COL4A5: variants seen among roughly 807,000 people sequenced by gnomAD.
The protein encoded by COL4A5 is collagen alpha-5(IV) chain.
Under a neutral mutation model 130.2 loss-of-function variants are expected in COL4A5, and 26 were observed. The observed-to-expected ratio is 0.20, with a 90% CI of 0.15 to 0.28. The LOEUF is 0.28. COL4A5 is among the 10% of genes least tolerant of loss of function. The pLI, the probability that COL4A5 is intolerant of heterozygous loss-of-function variation, is 1.00. For synonymous variants in COL4A5, 496 were observed against 439.6 expected, an observed-to-expected ratio of 1.13 and a Z score of -1.60; for missense variants, 1,131 against 1,344.3, an observed-to-expected ratio of 0.84 and a Z score of 2.48.
chrX:108,550,553 C>T (rs1349491519), intron 2 of COL4A5, among the ~76,000 whole-genome samples: 1 of 111,573 alleles, frequency 9.0e-6, no homozygotes, highest in East Asian at 2.8e-4. Flanking sequence ...TTTCCTCAAC[C>T]TTAAAGGGCA....
intron 43 of COL4A5, among the ~76,000 whole-genome samples, chrX:108,676,260 A>T (rs945132734): frequency 2.7e-5 from 3 of 112,344 alleles, no homozygotes; most frequent in Non-Finnish European, 3.8e-5. Context: ...AATCAATAAA[A>T]TTTGAAATGA....
rs935198734 is a variant in COL4A5 at position 108,448,397 on chromosome X, A to G, written c.81+8191A>G. On this transcript the variant is annotated intron_variant, in intron 1 of 52. Coordinates refer to ENST00000328300, the MANE Select transcript of COL4A5 (RefSeq NM_033380.3). Reference sequence around the variant, plus strand: ...TTTGTATCATGCTATAATTCAATCAAATAATATTTTTCCTGTATATAGGAG... The same window carrying G: ...TTTGTATCATGCTATAATTCAATCAGATAATATTTTTCCTGTATATAGGAG... Among the ~76,000 whole-genome samples the G allele has an allele frequency of 2.7e-5, 3 of 111,996 alleles. No homozygotes were observed. In the Admixed American group the frequency reaches 2.9e-4, roughly 11 times the overall value.
chrX:108,672,858 G>C (rs2068231707), intron 42 of COL4A5, among the ~76,000 whole-genome samples: 1 of 109,965 alleles, frequency 9.1e-6, no homozygotes, highest in African/African-American at 3.4e-5. Context: ...TGTCTTAGTT[G>C]GGAATTCTAA....
chrX:108,646,847 C>G (rs1473335249), intron 36 of COL4A5, among the ~76,000 whole-genome samples: 2 of 110,835 alleles, frequency 1.8e-5, no homozygotes, highest in East Asian at 5.7e-4. Context: ...AATCCTTTCC[C>G]CATTGCTTGT....
In COL4A5 at chrX:108,526,652, CTTTCTTTCTTCTTTCTTTCTCTT is replaced by C. The variant is rs1569481182; in HGVS notation, c.82-13092_82-13070del. On this transcript the variant is annotated intron_variant, in intron 1 of 52. Coordinates refer to ENST00000328300, the MANE Select transcript of COL4A5 (RefSeq NM_033380.3). ...TCTTTCTTTCTTTCTTTCTTTCTTT[CTTTCTTTCTTCTTTCTTTCTCTT>C]TCTTTCTTTCTTTCTTTCTTTCTTT... Among the ~76,000 whole-genome samples, 211 of 53,458 alleles carry C rather than the reference CTTTCTTTCTTCTTTCTTTCTCTT, an allele frequency of 3.9e-3. 5 individuals carry two copies. Among genetic ancestry groups the C allele is most frequent in the African/African-American group, 0.021 (199 of 9,269 alleles). The allele number at this position is 53,458 out of a possible 115,157, so 46.4% of individuals were successfully genotyped here.
chrX:108,456,927 A>G (rs1015549473), intron 1 of COL4A5, among the ~76,000 whole-genome samples: 2 of 111,599 alleles, frequency 1.8e-5, no homozygotes, highest in African/African-American at 3.3e-5. Context: ...AGTGCTGAGG[A>G]CTGTCCTCAC....
intron 1 of COL4A5, among the ~76,000 whole-genome samples, chrX:108,483,514 A>G (rs1437379814): frequency 5.4e-5 from 6 of 111,388 alleles, no homozygotes; most frequent in Non-Finnish European, 5.6e-5. Flanking sequence ...GGGTGGATCT[A>G]CCACTGACTC....
chrX:108,442,538 T>C (rs1314601991), intron 1 of COL4A5, among the ~76,000 whole-genome samples: 1 of 111,954 alleles, frequency 8.9e-6, no homozygotes, highest in Non-Finnish European at 1.9e-5. Flanking sequence ...GATTTGTGGA[T>C]GTGGGTAGTA....
chrX:108,592,500 T>C (rs1054237477), intron 21 of COL4A5, among the ~76,000 whole-genome samples: 16 of 110,755 alleles, frequency 1.4e-4, no homozygotes, highest in Non-Finnish European at 2.8e-4. Context: ...TTCCTAAGAA[T>C]TTTCTCCTCA....
intron 36 of COL4A5, chrX:108,626,813 A>G (rs990227359): frequency 3.8e-5 from 30 of 780,427 alleles, no homozygotes; most frequent in African/African-American, 1.6e-4. Context: ...TCTCTCTTCA[A>G]TGTGAAAACT....
intron 1 of COL4A5, among the ~76,000 whole-genome samples, chrX:108,476,232 T>G (rs1317544552): frequency 8.9e-6 from 1 of 111,824 alleles, no homozygotes; most frequent in Non-Finnish European, 1.9e-5. Context: ...ATATAAAAAA[T>G]ACCTTGATTT....
intron 19 of COL4A5, among the ~76,000 whole-genome samples, chrX:108,588,617 A>G (rs970997535): frequency 9.0e-6 from 1 of 110,867 alleles, no homozygotes; most frequent in Admixed American, 9.6e-5. Context: ...ATGGCTGAGA[A>G]CTTCCATCTA....
intron 25 of COL4A5, among the ~76,000 whole-genome samples, chrX:108,600,218 A>G (rs1378405394): frequency 8.9e-6 from 1 of 111,841 alleles, no homozygotes; most frequent in Non-Finnish European, 1.9e-5. Flanking sequence ...AGTTCTTTAT[A>G]TATTCTGTGC....
chrX:108,661,801 C>T (rs2067961190), intron 37 of COL4A5, among the ~76,000 whole-genome samples: 2 of 111,493 alleles, frequency 1.8e-5, no homozygotes, highest in Non-Finnish European at 3.8e-5. Context: ...TATAGCAGGG[C>T]TATTTCCAAT....
chrX:108,606,462 A>G (rs1352824275), intron 28 of COL4A5, among the ~76,000 whole-genome samples: 1 of 110,288 alleles, frequency 9.1e-6, no homozygotes, highest in Non-Finnish European at 1.9e-5. Context: ...ATATTTCCCT[A>G]CAAGGGTAGT....
chrX:108,666,450 T>C (rs2068080330), intron 38 of COL4A5, 46 bp from the exon 39 acceptor site: 1 of 1,024,178 alleles, frequency 9.8e-7, no homozygotes, highest in Non-Finnish European at 1.4e-6. Flanking sequence ...AAAAGGGAGT[T>C]GGAAATTGGA....
intron 4 of COL4A5, among the ~76,000 whole-genome samples, chrX:108,565,266 T>C (rs2065950877): frequency 9.0e-6 from 1 of 111,509 alleles, no homozygotes; most frequent in South Asian, 3.8e-4. Context: ...ACGCAGAATT[T>C]TGAAGACATT....
chrX:108,695,246 AT>A lies in COL4A5; in HGVS notation c.4822-16del. ...TTATGGCACATGGGTATTGCGGCAC[AT>A]TTTTCCTTGTCTTTTATAGCATACA... On this transcript the variant is annotated intron_variant, in intron 51 of 52. Transcript: ENST00000328300. 8.3e-7 allele frequency: 1 copy of A among 1,209,684 alleles called. No homozygotes were observed. Among genetic ancestry groups the A allele is most frequent in the Non-Finnish European group, 1.1e-6 (1 of 894,847 alleles).
At chrX:108,544,464 T>C (rs984512992) in intron 2 of COL4A5, among the ~76,000 whole-genome samples, 1 of 111,861 alleles carries the variant, frequency 8.9e-6, no homozygotes, top group Non-Finnish European at 1.9e-5. Flanking sequence ...GAAGCCCACT[T>C]GATCGTGGTG....
Sources: allele counts gnomAD v4.1 joint callset (sites outside exome capture counted in the v4.1 genomes callset), GRCh38; gene constraint gnomAD v4.1.1; transcripts MANE v1.5; gene names NCBI Gene and HGNC (gene_info 2026-07-23, HGNC 2026-07-21).